ACSM3: variants seen among roughly 807,000 people sequenced by gnomAD.
ACSM3 encodes acyl-CoA synthetase medium chain family member 3.
A neutral mutation model predicts 74.1 loss-of-function variants in ACSM3; 61 were observed. The ratio of observed to expected loss-of-function variants is 0.82; its 90% CI spans 0.67 to 1.02. The LOEUF is 1.02. Ranked by LOEUF, ACSM3 falls within the 50% of genes least tolerant of loss-of-function variation. The probability of loss-of-function intolerance (pLI) is 0.00; values close to 1 mark genes in which losing one functional copy is unlikely to be tolerated. For synonymous variants in ACSM3, 213 were observed against 241.5 expected, an observed-to-expected ratio of 0.88 and a Z score of 1.09; for missense variants, 660 against 697.0, an observed-to-expected ratio of 0.95 and a Z score of 0.60.
At chr16:20,729,310 G>A (rs1474846100) in intron 1 of ACSM3, 9 of 1,458,448 alleles carry the variant, frequency 6.2e-6, no homozygotes, top group Non-Finnish European at 7.7e-6. Context: ...ACAGTGATGG[G>A]TATTTCTGGT....
chr16:20,790,784 T>C lies in ACSM3; in HGVS notation c.1326+96T>C. The C allele has an allele frequency of 6.2e-7, 1 of 1,613,388 alleles. No homozygotes were observed. The highest frequency in any genetic ancestry group is 1.7e-5 in the Admixed American group (1 of 59,948). ...ACAAAACATACCTAGGATAGGTACT[T>C]GACCCTTTCTTGAGAGATTGGTTGT... is the stretch of plus-strand genomic sequence containing the variant. On this transcript the variant is annotated intron_variant, in intron 10 of 13. Transcript: ENST00000289416. The surrounding 1 kb of genome is among the most constrained non-coding windows in gnomAD (Gnocchi z 4.0).
At chr16:20,729,233 A>T in intron 1 of ACSM3, 2 of 882,542 alleles carry the variant, frequency 2.3e-6, no homozygotes, top group South Asian at 2.7e-5. Context: ...TTCCTAGGAC[A>T]GTCCAGAGAA....
At chr16:20,728,024 T>C (rs1290015021) in intron 1 of ACSM3, 3 of 175,814 alleles carry the variant, frequency 1.7e-5, no homozygotes, top group Non-Finnish European at 3.6e-5. Flanking sequence ...TGAGAACTAC[T>C]GGTCTCAAAT....
intron 1 of ACSM3, chr16:20,685,399 C>T: frequency 6.2e-7 from 1 of 1,613,972 alleles, no homozygotes; most frequent in South Asian, 1.1e-5. Context: ...ACCTCTCTTG[C>T]CCTCCTGGTC....
In ACSM3 at chr16:20,770,273, C is replaced by T. The variant is rs186042461; in HGVS notation, c.219+20C>T. 2.4e-3 allele frequency: 3,850 copies of T among 1,593,968 alleles called. 91 individuals are homozygous for T. The highest frequency in any genetic ancestry group is 1.1e-3 in the South Asian group (97 of 90,464). On this transcript the variant is annotated intron_variant, in intron 2 of 13. Coordinates refer to ENST00000289416, the MANE Select transcript of ACSM3 (RefSeq NM_005622.4). ...GAAAAGGTATGGGGGGAGGGCCAGT[C>T]AGACCACAATTTCTCAACTGGGAGT...
chr16:20,771,495 T>C (rs1302538203), intron 2 of ACSM3, among the ~76,000 whole-genome samples: 4 of 151,960 alleles, frequency 2.6e-5, no homozygotes, highest in Non-Finnish European at 5.9e-5. Flanking sequence ...CATTTATCTT[T>C]CCGTGTCTGA....
chr16:20,783,704 G>T (rs1432272474), intron 7 of ACSM3: 1 of 152,110 alleles, frequency 6.6e-6, no homozygotes, highest in East Asian at 1.9e-4. Flanking sequence ...TTCAAACCTT[G>T]TCCCCAGTGA....
At chr16:20,777,697 G>T in intron 4 of ACSM3, 117 bp downstream of exon 4, 2 of 895,604 alleles carry the variant, frequency 2.2e-6, no homozygotes, top group Non-Finnish European at 3.4e-6. Context: ...AAAGGGAACA[G>T]TTGGTAGTTA....
At chr16:20,764,626 G>A (rs1265951775) in intron 1 of ACSM3, 1 of 152,164 alleles carries the variant, frequency 6.6e-6, no homozygotes, top group Non-Finnish European at 1.5e-5. Context: ...GGGAGCCTGA[G>A]GCAGTAGAGT....
chr16:20,783,623 A>G (rs1444133385), intron 7 of ACSM3: 2 of 152,148 alleles, frequency 1.3e-5, no homozygotes, highest in Non-Finnish European at 2.9e-5. Flanking sequence ...TTATTTAATT[A>G]TCGAATAGGA....
intron 2 of ACSM3, among the ~76,000 whole-genome samples, chr16:20,751,694 G>A (rs985655739): frequency 3.2e-4 from 49 of 152,118 alleles, no homozygotes; most frequent in African/African-American, 1.1e-3. Flanking sequence ...AGGGTCTCTT[G>A]GGAAGAAAAG....
At chr16:20,737,241 T>C (rs1159883308) in intron 1 of ACSM3, 4 of 1,614,116 alleles carry the variant, frequency 2.5e-6, no homozygotes, top group South Asian at 2.2e-5. Context: ...GTACTGTGGA[T>C]TGGTGAGATC....
chr16:20,743,832 G>A (rs1159733108), intron 1 of ACSM3: 1 of 152,164 alleles, frequency 6.6e-6, no homozygotes, highest in East Asian at 1.9e-4. Context: ...CTGGGTTTCA[G>A]TTGCCCACAC....
At chr16:20,786,912 T>G (rs1246506843) in intron 9 of ACSM3, among the ~76,000 whole-genome samples, 6 of 152,138 alleles carry the variant, frequency 3.9e-5, no homozygotes, top group Admixed American at 3.9e-4. Flanking sequence ...GGTCAAGACC[T>G]TCTGAGCGGG....
At chr16:20,679,951 A>C (rs2079404485) in intron 1 of ACSM3, 1 of 152,250 alleles carries the variant, frequency 6.6e-6, no homozygotes, top group Non-Finnish European at 1.5e-5. Context: ...TATGCTGCAT[A>C]TGTTCACAAT....
At chr16:20,678,308 C>A (rs1314691716) in intron 1 of ACSM3, among the ~76,000 whole-genome samples, 12 of 151,986 alleles carry the variant, frequency 7.9e-5, no homozygotes, top group Admixed American at 7.9e-4. Flanking sequence ...CACAAAAAAA[C>A]AGCACTAAAG....
chr16:20,715,002 T>TAAAC (rs2079756355), intron 1 of ACSM3, among the ~76,000 whole-genome samples: 1 of 151,492 alleles, frequency 6.6e-6, no homozygotes, highest in South Asian at 2.1e-4. Flanking sequence ...GAAAGATAGA[T>TAAAC]AGATAGGTAG....
intron 1 of ACSM3, among the ~76,000 whole-genome samples, chr16:20,676,513 G>A (rs528521913): frequency 1.8e-4 from 28 of 152,320 alleles, no homozygotes; most frequent in Non-Finnish European, 3.5e-4. Context: ...GGAGATATCA[G>A]GCACAAATTG....
intron 1 of ACSM3, chr16:20,737,754 TC>T: frequency 6.2e-7 from 1 of 1,613,770 alleles, no homozygotes; most frequent in Non-Finnish European, 8.5e-7. Context: ...GACTGTTATT[TC>T]GAGATTTGTA....
Sources: gnomAD v4.1 joint callset for allele counts (sites outside exome capture counted in the v4.1 genomes callset) on GRCh38, gnomAD v4.1.1 for gene constraint, Gnocchi (gnomAD v3.1) non-coding constraint, MANE v1.5 for transcripts, NCBI Gene and HGNC (gene_info 2026-07-23, HGNC 2026-07-21) for gene names.